The following UMAD1 variants were observed in gnomAD, a reference collection of about 807,000 sequenced individuals.
UMAD1 encodes the protein UBAP1-MVB12-associated (UMA)-domain containing protein 1.
Under a neutral mutation model 6.1 loss-of-function variants are expected in UMAD1, and 8 were observed. The observed-to-expected ratio is 1.30, with a 90% CI of 0.76 to 2.35. The LOEUF (loss-of-function observed/expected upper bound fraction) is 2.35. Among genes scored for constraint, UMAD1 ranks in the 30% most tolerant of loss-of-function variants. UMAD1 has a pLI of 0.00. For missense variants in UMAD1, 130 were observed against 78.4 expected, an observed-to-expected ratio of 1.66 and a Z score of -2.49; for synonymous variants, 56 against 31.4, an observed-to-expected ratio of 1.78 and a Z score of -2.61.
intron 2 of UMAD1, among the ~76,000 whole-genome samples, chr7:7,799,276 C>T (rs536339811): frequency 2.2e-4 from 34 of 152,334 alleles, no homozygotes; most frequent in African/African-American, 7.9e-4. Context: ...GAGAAACAAT[C>T]TTGCAGATGG....
chr7:7,750,330 G>A lies in UMAD1; in HGVS notation c.83-51340G>A, dbSNP rs180726605. Among the ~76,000 whole-genome samples the A allele has an allele frequency of 5.1e-3, 779 of 152,274 alleles. 6 individuals carry two copies. Among genetic ancestry groups the A allele is most frequent in the Non-Finnish European group, 8.8e-3 (597 of 67,998 alleles). The stretch of plus-strand genomic sequence containing the variant: ...TCAGGCTCTACTAAGCTGCTTGTCA[G>A]TCTTTGACTTCCTCATTATCAGAGA... On this transcript the variant is annotated intron_variant, in intron 2 of 3. Transcript: ENST00000682710.
chr7:7,715,285 A>G (rs1269214943), intron 2 of UMAD1: 2 of 152,184 alleles, frequency 1.3e-5, no homozygotes, highest in East Asian at 3.8e-4. Flanking sequence ...CAGATTTATG[A>G]ATACAGTTTC....
At chr7:7,821,015 G>C (rs1783230395) in intron 3 of UMAD1, among the ~76,000 whole-genome samples, 2 of 152,158 alleles carry the variant, frequency 1.3e-5, no homozygotes, top group African/African-American at 4.8e-5. Context: ...TGAAAATTAA[G>C]CGTGACTTTT....
chr7:7,653,575 TCACA>T (rs1385381857), intron 1 of UMAD1, among the ~76,000 whole-genome samples: 1 of 152,236 alleles, frequency 6.6e-6, no homozygotes, highest in Non-Finnish European at 1.5e-5. Flanking sequence ...TCATACCCAT[TCACA>T]GAGGAGTTAC....
intron 2 of UMAD1, among the ~76,000 whole-genome samples, chr7:7,717,473 C>T (rs1780946528): frequency 6.6e-6 from 1 of 152,196 alleles, no homozygotes; most frequent in African/African-American, 2.4e-5. Context: ...GACAACTCTG[C>T]TACTTCAGAA....
chr7:7,757,814 G>T (rs1177267132), intron 2 of UMAD1, among the ~76,000 whole-genome samples: 2 of 152,120 alleles, frequency 1.3e-5, no homozygotes, highest in East Asian at 3.8e-4. Flanking sequence ...TCAATGCCTG[G>T]TACGTAATAT....
chr7:7,856,490 A>T (rs1784021221), intron 3 of UMAD1, among the ~76,000 whole-genome samples: 1 of 152,208 alleles, frequency 6.6e-6, no homozygotes, highest in Non-Finnish European at 1.5e-5. Context: ...CAATGATTCA[A>T]TTACCTCCCA....
intron 1 of UMAD1, among the ~76,000 whole-genome samples, chr7:7,656,747 C>T (rs1785353205): frequency 6.6e-6 from 1 of 152,066 alleles, no homozygotes; most frequent in Non-Finnish European, 1.5e-5. Context: ...TCCAAGTCTG[C>T]TGTTGTGAAC....
At chr7:7,850,345 T>C (rs919757124) in intron 3 of UMAD1, among the ~76,000 whole-genome samples, 6 of 151,978 alleles carry the variant, frequency 3.9e-5, no homozygotes, top group African/African-American at 1.2e-4. Context: ...AGCAATTTGA[T>C]ACATTACATC....
intron 2 of UMAD1, among the ~76,000 whole-genome samples, chr7:7,696,605 C>T (rs113119867): frequency 0.024 from 3,618 of 152,094 alleles, 149 homozygotes; most frequent in African/African-American, 0.083. Flanking sequence ...TTTATTGATC[C>T]GAAGGCTCTT....
intron 3 of UMAD1, among the ~76,000 whole-genome samples, chr7:7,873,844 A>C (rs1339015222): frequency 2.0e-5 from 3 of 152,144 alleles, no homozygotes; most frequent in Non-Finnish European, 4.4e-5. Context: ...TCTTGACTAC[A>C]CATCCCTTTT....
Position 7,877,766 on chromosome 7 carries a change from G to T in UMAD1, c.*228G>T, listed in dbSNP as rs901334118. On this transcript the variant is annotated 3_prime_UTR_variant, in exon 4 of 4. Coordinates refer to ENST00000682710, the MANE Select transcript of UMAD1 (RefSeq NM_001302348.2). ...CCCATATAATAAATATACAAATTAG[G>T]CTATGAAGGTTTTAGGAAAGGACTC... The T allele has an allele frequency of 2.0e-6, 1 of 488,520 alleles. No homozygotes were observed. The highest frequency in any genetic ancestry group is 3.6e-6 in the Non-Finnish European group (1 of 275,346). The allele number at this position is 488,520 out of a possible 1,614,324, so 30.3% of individuals were successfully genotyped here. A position where few individuals can be genotyped will look rare whatever the true frequency, so the allele number is the denominator to read the frequency against.
Position 7,743,447 on chromosome 7 carries a change from G to A in UMAD1, c.83-58223G>A, listed in dbSNP as rs150251167. 2.2e-3 allele frequency among the ~76,000 whole-genome samples: 338 copies of A among 152,098 alleles called. 3 individuals carry two copies. Among genetic ancestry groups the A allele is most frequent in the African/African-American group, 7.7e-3 (321 of 41,524 alleles). On this transcript the variant is annotated intron_variant, in intron 2 of 3. Transcript: ENST00000682710. ...TACAAAATTTATAAATTATAACATT[G>A]AAAACAGAATGTTCAGTAGTGTTTA...
chr7:7,830,143 G>A lies in UMAD1; in HGVS notation c.156+28400G>A, dbSNP rs564818987. 6.6e-6 allele frequency among the ~76,000 whole-genome samples: 1 copy of A among 152,216 alleles called. No homozygotes were observed. The highest frequency in any genetic ancestry group is 1.9e-4 in the East Asian group (1 of 5,184). ...TACTATGTTATTTGTTCCTTAAGAG[G>A]CATTTGCCAGTGGACCTGCAGGTCT... On this transcript the variant is annotated intron_variant, in intron 3 of 3. Transcript: ENST00000682710. The surrounding 1 kb of genome is among the most constrained non-coding windows in gnomAD (Gnocchi z 5.3).
At chr7:7,855,609 C>A (rs73345735) in intron 3 of UMAD1, among the ~76,000 whole-genome samples, 3 of 152,198 alleles carry the variant, frequency 2.0e-5, no homozygotes, top group African/African-American at 7.2e-5. Context: ...CCCAGGAAAC[C>A]GTCTTTTCCT....
rs1287984248 is a variant in UMAD1, at chr7:7,860,730, G to A, written c.157-16551G>A. 5.4e-5 allele frequency among the ~76,000 whole-genome samples: 8 copies of A among 147,688 alleles called. No individual in the cohort carries two copies. The East Asian group carries it at 8.0e-4, about 15-fold the overall frequency. On this transcript the variant is annotated intron_variant, in intron 3 of 3. Coordinates refer to ENST00000682710, the MANE Select transcript of UMAD1 (RefSeq NM_001302348.2). ...GCGGAGCTTGCAGTGAGCCAAGATT[G>A]CACCACTGCACTCCAGCCTGGGCGA...
At chr7:7,667,066 C>T (rs562931376) in intron 1 of UMAD1, among the ~76,000 whole-genome samples, 18 of 152,296 alleles carry the variant, frequency 1.2e-4, no homozygotes, top group South Asian at 6.2e-4. Context: ...GCCTTGGCCC[C>T]GCAAAGTGCT....
chr7:7,742,375 G>A lies in UMAD1; in HGVS notation c.83-59295G>A, dbSNP rs1020522776. ...TGGGGGCGCTCTTCCGAGGATATCT[G>A]GGCTGCCTCCGGAGTCGCAGTGTCT... On this transcript the variant is annotated intron_variant, in intron 2 of 3. Transcript: ENST00000682710. 4 of 592,590 alleles carry A rather than the reference G, an allele frequency of 6.8e-6. No individual in the cohort carries two copies. In the African/African-American group the frequency reaches 7.4e-5, roughly 11 times the overall value. The allele number at this position is 592,590 out of a possible 1,614,324, so 36.7% of individuals were successfully genotyped here.
intron 2 of UMAD1, chr7:7,676,124 T>C: frequency 2.5e-6 from 1 of 398,666 alleles, no homozygotes; most frequent in Admixed American, 4.4e-5. Context: ...GGCTCTCCAG[T>C]GACGTGCTGT....
Sources: gnomAD v4.1 joint callset for allele counts (sites outside exome capture counted in the v4.1 genomes callset) on GRCh38, gnomAD v4.1.1 for gene constraint, Gnocchi (gnomAD v3.1) non-coding constraint, MANE v1.5 for transcripts, NCBI Gene and HGNC (gene_info 2026-07-23, HGNC 2026-07-21) for gene names.